NEGR1: variants seen among roughly 807,000 people sequenced by gnomAD.
The protein encoded by NEGR1 is IgLON family member 4.
A neutral mutation model predicts 40.9 loss-of-function variants in NEGR1; 10 were observed. That is an observed-to-expected ratio of 0.24 (90% CI 0.15 to 0.42). The LOEUF (loss-of-function observed/expected upper bound fraction) is 0.42. Among genes scored for constraint, NEGR1 ranks in the 10% least tolerant of loss-of-function variants. The pLI is 1.00. For synonymous variants in NEGR1, 185 were observed against 166.8 expected (o/e 1.11, Z -0.84); for missense variants, 352 against 438.9 (o/e 0.80, Z 1.77).
chr1:71,982,898 T>C (rs930172158), intron 1 of NEGR1, among the ~76,000 whole-genome samples: 1 of 152,116 alleles, frequency 6.6e-6, no homozygotes, highest in African/African-American at 2.4e-5. Flanking sequence ...GAGTTTCCTT[T>C]TATCAGTACA....
intron 4 of NEGR1, among the ~76,000 whole-genome samples, chr1:71,652,262 T>G (rs1981072): frequency 0.037 from 5,595 of 152,298 alleles, 134 homozygotes; most frequent in African/African-American, 0.073. Flanking sequence ...TGTCATAATA[T>G]TAATCTTTAT....
At chr1:71,616,871 T>G (rs1650461637) in intron 4 of NEGR1, among the ~76,000 whole-genome samples, 1 of 152,112 alleles carries the variant, frequency 6.6e-6, no homozygotes, top group African/African-American at 2.4e-5. Flanking sequence ...AAAGCTGCAT[T>G]TAAAAGAAAA....
In NEGR1 at chr1:72,265,271, T is replaced by C. The variant is rs144722554; in HGVS notation, c.176+17048A>G. 7.3e-5 allele frequency among the ~76,000 whole-genome samples: 11 copies of C among 151,092 alleles called. No homozygotes were observed. The East Asian group carries it at 9.7e-4, about 13-fold the overall frequency. On this transcript the variant is annotated intron_variant, in intron 1 of 6. Coordinates refer to ENST00000357731, the MANE Select transcript of NEGR1 (RefSeq NM_173808.3). Reference sequence around the variant, plus strand: ...AAAATCATTCAAAATTTATAATAGATTGACTCTTTCATTAGGAAGATAGTT... The same window carrying C: ...AAAATCATTCAAAATTTATAATAGACTGACTCTTTCATTAGGAAGATAGTT...
intron 1 of NEGR1, among the ~76,000 whole-genome samples, chr1:71,940,311 C>T (rs1039985434): frequency 1.3e-5 from 2 of 152,068 alleles, no homozygotes; most frequent in East Asian, 3.8e-4. Flanking sequence ...TTTTATCTTT[C>T]ACTTTAAAAA....
chr1:72,000,745 G>A (rs532050952), intron 1 of NEGR1, among the ~76,000 whole-genome samples: 60 of 152,248 alleles, frequency 3.9e-4, no homozygotes, highest in African/African-American at 1.4e-3. Context: ...CTCAAAGTGA[G>A]AGTGTTTTGC....
At chr1:72,089,166 A>G (rs866401006) in intron 1 of NEGR1, among the ~76,000 whole-genome samples, 52 of 152,204 alleles carry the variant, frequency 3.4e-4, no homozygotes, top group Middle Eastern at 3.4e-3. Context: ...GGACCATCCA[A>G]TGTTTTGCCA....
chr1:71,736,552 T>C (rs945134024), intron 3 of NEGR1, among the ~76,000 whole-genome samples: 1 of 152,168 alleles, frequency 6.6e-6, no homozygotes, highest in Non-Finnish European at 1.5e-5. Flanking sequence ...GAGTACAGTT[T>C]CTTGAAAAGG....
intron 1 of NEGR1, among the ~76,000 whole-genome samples, chr1:72,155,915 AGTAAGGAAGCAGGTCTCAATGAAAT>A (rs1651339687): frequency 6.6e-6 from 1 of 152,148 alleles, no homozygotes; most frequent in African/African-American, 2.4e-5. Flanking sequence ...ATGGAGAAAA[AGTAAGGAAGCAGGTCTCAATGAAAT>A]GTCACATTTG....
intron 1 of NEGR1, among the ~76,000 whole-genome samples, chr1:72,155,382 C>A (rs1397216889): frequency 6.6e-6 from 1 of 151,912 alleles, no homozygotes; most frequent in East Asian, 1.9e-4. Flanking sequence ...ATCATATAAC[C>A]TAGTGGCTTT....
chr1:71,439,471 TC>T (rs1284190690), intron 6 of NEGR1, among the ~76,000 whole-genome samples: 1 of 152,192 alleles, frequency 6.6e-6, no homozygotes, highest in African/African-American at 2.4e-5. Context: ...CAAGCAGTCC[TC>T]CTACCTTAGC....
Position 71,999,678 on chromosome 1 carries a change from T to TATATATATATATAC in NEGR1, c.177-64368_177-64367insGTATATATATATAT, listed in dbSNP as rs1457710237. Among the ~76,000 whole-genome samples the TATATATATATATAC allele has an allele frequency of 1.8e-3, 92 of 49,842 alleles. 11 individuals are homozygous for TATATATATATATAC. The highest frequency in any genetic ancestry group is 3.2e-3 in the Non-Finnish European group (79 of 24,450). 32.7% of individuals were successfully genotyped at this position (49,842 alleles called of 152,430 possible). A position where few individuals can be genotyped will look rare whatever the true frequency, so the allele number is the denominator to read the frequency against. On this transcript the variant is annotated intron_variant, in intron 1 of 6. Coordinates refer to ENST00000357731, the MANE Select transcript of NEGR1 (RefSeq NM_173808.3). ...ATATATATATATATATATATATATATACATACATATTTTTGTCCGGTCTCG... is the reference window on the plus strand; with the variant it reads ...ATATATATATATATATATATATATATATATATATATATACACATACATATTTTTGTCCGGTCTCG...
chr1:71,603,304 T>C (rs138653128), intron 5 of NEGR1, among the ~76,000 whole-genome samples: 1 of 152,304 alleles, frequency 6.6e-6, no homozygotes, highest in East Asian at 1.9e-4. Context: ...ACTGCCTACA[T>C]TGGTAAGAAC....
rs77933274 is a variant in NEGR1 at position 71,900,012 on chromosome 1, T to C, written c.409+35067A>G. Among the ~76,000 whole-genome samples the C allele has an allele frequency of 4.6e-3, 694 of 152,276 alleles. 5 individuals are homozygous for C. The highest frequency in any genetic ancestry group is 0.016 in the African/African-American group (672 of 41,562). ...AGTGAAGAGAAACATTTGAAGTATA[T>C]ACAATCAATAAAACTCTCATCCAAA... On this transcript the variant is annotated intron_variant, in intron 2 of 6. Coordinates refer to ENST00000357731, the MANE Select transcript of NEGR1 (RefSeq NM_173808.3).
chr1:72,236,478 C>G (rs1654549993), intron 1 of NEGR1, among the ~76,000 whole-genome samples: 2 of 151,720 alleles, frequency 1.3e-5, no homozygotes, highest in Admixed American at 6.6e-5. Flanking sequence ...AATGTGAAAA[C>G]TTTGAATCGA....
At chr1:71,643,662 C>T (rs1003330643) in intron 4 of NEGR1, among the ~76,000 whole-genome samples, 2 of 151,930 alleles carry the variant, frequency 1.3e-5, no homozygotes, top group African/African-American at 2.4e-5. Flanking sequence ...AATGTATATG[C>T]ATGTAGGTGG....
At chr1:71,575,963 AAG>A (rs1400244759) in intron 6 of NEGR1, among the ~76,000 whole-genome samples, 1 of 152,170 alleles carries the variant, frequency 6.6e-6, no homozygotes, top group Non-Finnish European at 1.5e-5. Context: ...TCAACCTTTA[AAG>A]AGAGTTCTGT....
intron 6 of NEGR1, among the ~76,000 whole-genome samples, chr1:71,492,574 A>C (rs554738959): frequency 6.6e-6 from 1 of 152,136 alleles, no homozygotes; most frequent in South Asian, 2.1e-4. Flanking sequence ...AACAGTAAGC[A>C]GCTTCTTGTT....
At chr1:71,773,977 A>G (rs923286195) in intron 3 of NEGR1, among the ~76,000 whole-genome samples, 1 of 152,238 alleles carries the variant, frequency 6.6e-6, no homozygotes, top group African/African-American at 2.4e-5. Context: ...CTTAAATTAT[A>G]TGAAGATAGA....
chr1:71,845,182 CAG>C (rs1440783644), intron 2 of NEGR1, among the ~76,000 whole-genome samples: 1 of 152,016 alleles, frequency 6.6e-6, no homozygotes, highest in African/African-American at 2.4e-5. Flanking sequence ...ACATAGCGCT[CAG>C]AGAGTGTAGC....
Sources: gnomAD v4.1 joint callset for allele counts (sites outside exome capture counted in the v4.1 genomes callset) on GRCh38, gnomAD v4.1.1 for gene constraint, MANE v1.5 for transcripts, NCBI Gene and HGNC (gene_info 2026-07-23, HGNC 2026-07-21) for gene names.